SET: variants seen among roughly 807,000 people sequenced by gnomAD.
The protein encoded by SET is SET nuclear proto-oncogene.
Under a neutral mutation model 39.0 loss-of-function variants are expected in SET, and 4 were observed. That is an observed-to-expected ratio of 0.10 (90% confidence interval 0.05 to 0.23). SET has a LOEUF of 0.23. Among genes scored for constraint, SET ranks in the 10% least tolerant of loss-of-function variants. The probability of loss-of-function intolerance (pLI) is 1.00; values close to 1 mark genes in which losing one functional copy is unlikely to be tolerated. For missense variants in SET, 137 were observed against 329.7 expected, an observed-to-expected ratio of 0.42 and a Z score of 4.53; for synonymous variants, 114 against 115.9, an observed-to-expected ratio of 0.98 and a Z score of 0.11.
intron 3 of SET, 167 bp from the exon 4 acceptor site, chr9:128,692,495 G>A: frequency 8.1e-6 from 4 of 494,290 alleles, no homozygotes; most frequent in East Asian, 3.7e-5. Context: ...CTAATTGCTT[G>A]ATGAAAGATA....
At position 128,696,048 on chromosome 9, in the gene SET, A is replaced by C. The variant is rs1861727618; in HGVS notation, c.*1384A>C. 4.5e-6 allele frequency: 1 copy of C among 224,206 alleles called. No homozygotes were observed. The highest frequency in any genetic ancestry group is 1.8e-4 in the South Asian group (1 of 5,456). The allele number at this position is 224,206 out of a possible 1,614,324, so 13.9% of individuals were successfully genotyped here. ...CCTGCTTTCTGGTATAAAGCTCTCAAATGTGACCATGTGAATCTGGGTGGG... is the reference window on the plus strand; with the variant it reads ...CCTGCTTTCTGGTATAAAGCTCTCACATGTGACCATGTGAATCTGGGTGGG... On this transcript the variant is annotated 3_prime_UTR_variant, in exon 8 of 8. Transcript: ENST00000322030.
chr9:128,689,223 C>T lies in SET; in HGVS notation c.-360C>T, dbSNP rs1460651839. The T allele has an allele frequency of 6.0e-6, 6 of 995,780 alleles. No individual in the cohort carries two copies. Among genetic ancestry groups the T allele is most frequent in the Non-Finnish European group, 7.2e-6 (6 of 836,114 alleles). 61.7% of individuals were successfully genotyped at this position (995,780 alleles called of 1,614,324 possible). A position where few individuals can be genotyped will look rare whatever the true frequency, so the allele number is the denominator to read the frequency against. ...GGCGCGCCTGCGCCCTGCGCCCGCC[C>T]CTCGCCGTAGGAGGAGGTGGAGGAG... On this transcript the variant is annotated 5_prime_UTR_variant, in exon 1 of 8. Transcript: ENST00000322030.
At chr9:128,690,714 A>G (rs1209555088) in intron 1 of SET, 3 of 181,988 alleles carry the variant, frequency 1.6e-5, no homozygotes, top group East Asian at 1.6e-4. Flanking sequence ...AGAGTCGTCA[A>G]CTTTCTATGA....
chr9:128,684,079 C>G (rs1023801841), intron 1 of SET: 3 of 1,250,850 alleles, frequency 2.4e-6, no homozygotes, highest in Non-Finnish European at 3.4e-6. Context: ...TTTTTACCCC[C>G]CAATCCCTCT....
chr9:128,683,859 G>C (rs1185365128), exon 1 of SET: 1 of 1,515,688 alleles, frequency 6.6e-7, no homozygotes, highest in South Asian at 1.2e-5. Context: ...GACGGGCGAG[G>C]AGACTCGTGG....
rs2132243416 is a variant in SET, at chr9:128,689,428, G to A, written c.-155G>A. 3.2e-6 allele frequency: 2 copies of A among 623,954 alleles called. No individual in the cohort carries two copies. The highest frequency in any genetic ancestry group is 4.8e-5 in the East Asian group (1 of 20,870). The allele number at this position is 623,954 out of a possible 1,614,324, so 38.7% of individuals were successfully genotyped here. ...GGCCGCGAGGGTAGCGCGCGCGAGC[G>A]AGCGAGGGGGAGGGAGAGCGAGCGA... On this transcript the variant is annotated 5_prime_UTR_variant, in exon 1 of 8. Coordinates refer to ENST00000322030, the MANE Select transcript of SET (RefSeq NM_003011.4).
rs1166048837 is a variant in SET, at chr9:128,683,867, T to C, written c.-29T>C. Reference sequence around the variant, plus strand: ...GCTTCCGGACGGGCGAGGAGACTCGTGGTCTGGTTCTGGGACTTCCCTAAC... The same window carrying C: ...GCTTCCGGACGGGCGAGGAGACTCGCGGTCTGGTTCTGGGACTTCCCTAAC... On this transcript the variant is annotated 5_prime_UTR_variant, in exon 1 of 8. Transcript: ENST00000372692. 2.4e-5 allele frequency: 37 copies of C among 1,530,730 alleles called. No individual in the cohort carries two copies. In the East Asian group the frequency reaches 8.8e-4, roughly 37 times the overall value. 94.8% of individuals were successfully genotyped at this position (1,530,730 alleles called of 1,614,324 possible).
chr9:128,687,342 C>T (rs1861320069), upstream of SET, among the ~76,000 whole-genome samples: 2 of 152,216 alleles, frequency 1.3e-5, no homozygotes, highest in South Asian at 4.2e-4. Flanking sequence ...CTCAGTGGCT[C>T]ATGCCTGTAA....
intron 1 of SET, chr9:128,690,922 G>T: frequency 1.8e-6 from 1 of 548,334 alleles, no homozygotes; most frequent in East Asian, 3.2e-5. Context: ...CTGTTGTAGT[G>T]AAACTCTTTA....
At chr9:128,683,743 G>GGC (rs762143442) in exon 1 of SET, 47 of 590,128 alleles carry the variant, frequency 8.0e-5, no homozygotes, top group Non-Finnish European at 1.2e-4. Context: ...AGGGGGCCGG[G>GGC]GTGTGTGTCC....
intron 1 of SET, 107 bp from the exon 2 acceptor site, chr9:128,691,063 A>T: frequency 1.2e-6 from 1 of 834,976 alleles, no homozygotes; most frequent in Non-Finnish European, 2.1e-6. Flanking sequence ...CCTTTGTACT[A>T]GGCGTTTTTG....
chr9:128,686,852 T>C (rs188796060), upstream of SET, among the ~76,000 whole-genome samples: 10 of 151,794 alleles, frequency 6.6e-5, no homozygotes, highest in East Asian at 1.8e-3. Flanking sequence ...GCAGTGGTGC[T>C]TGCCTGTGGT....
At chr9:128,686,539 G>C (rs1051425850), upstream of SET, among the ~76,000 whole-genome samples, 1 of 152,108 alleles carries the variant, frequency 6.6e-6, no homozygotes, top group South Asian at 2.1e-4. Context: ...GCCCAGGAGC[G>C]GGTCGTGAAA....
At chr9:128,693,243 G>A (rs1861610217) in intron 5 of SET, among the ~76,000 whole-genome samples, 1 of 152,018 alleles carries the variant, frequency 6.6e-6, no homozygotes. Flanking sequence ...CAAAAAAAAA[G>A]AGAAAAATCT....
chr9:128,693,123 A>G, intron 5 of SET, 142 bp downstream of exon 5: 1 of 631,932 alleles, frequency 1.6e-6, no homozygotes, highest in South Asian at 2.0e-5. Context: ...TGCTGAAGCC[A>G]AGTATTACAG....
Position 128,689,310 on chromosome 9 carries a change from G to A in SET, c.-273G>A. ...ATCGCCGAGCGCGAGTGAGGGAGCC[G>A]AGCCGCCCGCCGCCGCCGCCTCCGC... On this transcript the variant is annotated 5_prime_UTR_variant, in exon 1 of 8. Coordinates refer to ENST00000322030, the MANE Select transcript of SET (RefSeq NM_003011.4). 1 of 1,026,726 alleles carries A rather than the reference G, an allele frequency of 9.7e-7. No homozygotes were observed. Among genetic ancestry groups the A allele is most frequent in the Non-Finnish European group, 1.2e-6 (1 of 856,250 alleles). The allele number at this position is 1,026,726 out of a possible 1,614,324, so 63.6% of individuals were successfully genotyped here.
chr9:128,694,569 G>T (rs1029932632), intron 7 of SET, 72 bp from the exon 8 acceptor site: 1 of 1,017,260 alleles, frequency 9.8e-7, no homozygotes, highest in Non-Finnish European at 1.5e-6. Context: ...CACTCGTGGG[G>T]TCCATTGTGG....
In SET at chr9:128,683,979, G is replaced by A. The variant is rs750909946; in HGVS notation, c.84G>A (p.Ser28=). ...CTGCTCTGGGACCGGAGGAGACATC[G>A]GCCTCTGCAGGCTTGCCGAAGAAGG... The change falls in exon 1 of 8, where the codon TCG becomes TCA. Residue 28 remains serine (S), a synonymous_variant. Transcript: ENST00000372692. The A allele has an allele frequency of 1.1e-5, 17 of 1,555,432 alleles. No individual in the cohort carries two copies. The African/African-American group carries it at 1.5e-4, about 14-fold the overall frequency.
In SET at chr9:128,692,980, A is replaced by G; in HGVS notation, c.491A>G (p.Lys164Arg). The change falls in exon 5 of 8, where the codon AAG (lysine) becomes AGG (arginine). Residue 164 changes from lysine to arginine, a missense_variant and splice_region_variant. Physicochemically the swap from Lys to Arg is conservative, Grantham distance 26. Transcript: ENST00000322030. ...KSTEIKWKSG[K>R]DLTKRSSQTQ... is the part of the protein sequence containing the mutation. The stretch of plus-strand genomic sequence containing the variant: ...ACCGAAATCAAATGGAAATCTGGAA[A>G]GGTATGTTTTGAGGAATTATTTGAC... 2.5e-6 allele frequency: 4 copies of G among 1,571,570 alleles called. No individual in the cohort carries two copies. Among genetic ancestry groups the G allele is most frequent in the Non-Finnish European group, 2.6e-6 (3 of 1,143,244 alleles).
Sources: allele counts gnomAD v4.1 joint callset (sites outside exome capture counted in the v4.1 genomes callset), GRCh38; gene constraint gnomAD v4.1.1; transcripts MANE v1.5; gene names NCBI Gene and HGNC (gene_info 2026-07-23, HGNC 2026-07-21).